Variants in UBE2D4 observed in about 807,000 individuals in gnomAD.
UBE2D4 encodes the protein ubiquitin conjugating enzyme E2 D4.
A neutral mutation model predicts 23.0 loss-of-function variants in UBE2D4; 17 were observed. The ratio of observed to expected loss-of-function variants is 0.74; its 90% CI spans 0.51 to 1.11. The LOEUF (loss-of-function observed/expected upper bound fraction) is 1.11, where lower values mean the gene tolerates loss of function less well. Ranked by LOEUF, UBE2D4 falls within the 50% of genes least tolerant of loss-of-function variation. UBE2D4 has a pLI of 0.00. For missense variants in UBE2D4, 139 were observed against 181.8 expected (o/e 0.76, Z 1.35); for synonymous variants, 61 against 69.4 (o/e 0.88, Z 0.60).
At chr7:43,932,992 A>ATG (rs1409484148) in intron 1 of UBE2D4, among the ~76,000 whole-genome samples, 1 of 103,440 alleles carries the variant, frequency 9.7e-6, no homozygotes, top group African/African-American at 4.3e-5. Context: ...AAGTATATAT[A>ATG]TATATATATA....
Position 43,930,012 on chromosome 7 carries a change from C to T in UBE2D4, c.24+3456C>T, listed in dbSNP as rs543592801. 2.0e-5 allele frequency among the ~76,000 whole-genome samples: 3 copies of T among 152,272 alleles called. No individual in the cohort carries two copies. In the South Asian group the frequency reaches 6.2e-4, roughly 32 times the overall value. The stretch of plus-strand genomic sequence containing the variant: ...CTCAGTCCCCCTCTCCTGGTCTGTT[C>T]CTGTGTCACTCTGGGCTGAATGGCT... On this transcript the variant is annotated intron_variant, in intron 1 of 6. Transcript: ENST00000222402.
Position 43,944,785 on chromosome 7 carries a change from AC to A in UBE2D4, c.198+1758del, listed in dbSNP as rs1434901378. On this transcript the variant is annotated intron_variant, in intron 4 of 6. Coordinates refer to ENST00000222402, the MANE Select transcript of UBE2D4 (RefSeq NM_015983.4). The surrounding 1 kb of genome is among the most constrained non-coding windows in gnomAD (Gnocchi z 4.0). The stretch of plus-strand genomic sequence containing the variant: ...AGCATGCTTCATGGTGCTGTGATCC[AC>A]CCCTTCTCCCTTCCCCTCTGGAGAG... 3 of 152,000 alleles carry A rather than the reference AC, an allele frequency of 2.0e-5. No homozygotes were observed. The highest frequency in any genetic ancestry group is 7.3e-5 in the African/African-American group (3 of 41,354). 9.4% of individuals were successfully genotyped at this position (152,000 alleles called of 1,614,324 possible). A position where few individuals can be genotyped will look rare whatever the true frequency, so the allele number is the denominator to read the frequency against.
chr7:43,930,759 AG>A (rs1270150796), intron 1 of UBE2D4, among the ~76,000 whole-genome samples: 1 of 152,110 alleles, frequency 6.6e-6, no homozygotes, highest in East Asian at 1.9e-4. Flanking sequence ...CAACCAGGAC[AG>A]GGTTATATGT....
intron 6 of UBE2D4, among the ~76,000 whole-genome samples, chr7:43,951,538 CT>C (rs111623277): frequency 5.4e-5 from 8 of 149,260 alleles, no homozygotes; most frequent in African/African-American, 9.8e-5. Flanking sequence ...ATGTTTTTCC[CT>C]TTTTTTTTTG....
Position 43,938,509 on chromosome 7 carries a change from G to A in UBE2D4, c.88+15G>A, listed in dbSNP as rs1432603154. 1.2e-6 allele frequency: 2 copies of A among 1,613,502 alleles called. No homozygotes were observed. Among genetic ancestry groups the A allele is most frequent in the Non-Finnish European group, 1.7e-6 (2 of 1,179,620 alleles). On this transcript the variant is annotated intron_variant, in intron 2 of 6. Transcript: ENST00000222402. ...CGGTGATGACTGTAAGTATTTTGGG[G>A]GGCTTCAAGTTGTAGGAGCATTTTA...
rs762312888 is a variant in UBE2D4 at position 43,926,524 on chromosome 7, C to G, written c.-9C>G. On this transcript the variant is annotated 5_prime_UTR_variant, in exon 1 of 7. Coordinates refer to ENST00000222402, the MANE Select transcript of UBE2D4 (RefSeq NM_015983.4). ...GCCGGGCCGCCCGGGTCCCCGGCAG[C>G]GGGGTAGGATGGCGCTAAAGCGGAT... 1 of 1,532,252 alleles carries G rather than the reference C, an allele frequency of 6.5e-7. No individual in the cohort carries two copies. Among genetic ancestry groups the G allele is most frequent in the African/African-American group, 1.4e-5 (1 of 70,298 alleles). The allele number at this position is 1,532,252 out of a possible 1,614,324, so 94.9% of individuals were successfully genotyped here. A position where few individuals can be genotyped will look rare whatever the true frequency, so the allele number is the denominator to read the frequency against.
At chr7:43,949,204 T>C (rs2095995855) in intron 5 of UBE2D4, 1 of 187,430 alleles carries the variant, frequency 5.3e-6, no homozygotes, top group South Asian at 1.7e-4. Context: ...CACATGTCTT[T>C]GGTTGAAGTT....
At chr7:43,938,356 C>T in intron 1 of UBE2D4, 75 bp from the exon 2 acceptor site, 1 of 1,460,108 alleles carries the variant, frequency 6.8e-7, no homozygotes, top group African/African-American at 1.4e-5. Flanking sequence ...AGAATTCCTT[C>T]CAGCTACCAA....
intron 1 of UBE2D4, among the ~76,000 whole-genome samples, chr7:43,936,303 T>G (rs1212770565): frequency 6.6e-6 from 1 of 152,048 alleles, no homozygotes; most frequent in African/African-American, 2.4e-5. Context: ...AAGGATGGAG[T>G]CTTGGAGTTG....
intron 1 of UBE2D4, among the ~76,000 whole-genome samples, chr7:43,926,791 G>A (rs1395426970): frequency 6.6e-6 from 1 of 152,254 alleles, no homozygotes; most frequent in Non-Finnish European, 1.5e-5. Flanking sequence ...CGTCATGCGG[G>A]CGGGGCGCCG....
intron 1 of UBE2D4, among the ~76,000 whole-genome samples, chr7:43,934,726 A>G (rs1465978380): frequency 1.3e-5 from 2 of 151,988 alleles, no homozygotes; most frequent in Admixed American, 1.3e-4. Flanking sequence ...ATATGTACAT[A>G]TAACTAAAAA....
intron 5 of UBE2D4, 31 bp downstream of exon 5, chr7:43,948,768 T>C (rs2095994447): frequency 6.6e-7 from 1 of 1,510,370 alleles, no homozygotes; most frequent in Non-Finnish European, 9.2e-7. Flanking sequence ...CTCTGTGTGC[T>C]CTTTTACACA....
chr7:43,952,424 A>G, intron 6 of UBE2D4: 1 of 494,056 alleles, frequency 2.0e-6, no homozygotes, highest in South Asian at 2.6e-5. Flanking sequence ...TGGAGAATCA[A>G]CAGTTTGGGG....
intron 2 of UBE2D4, among the ~76,000 whole-genome samples, 159 bp downstream of exon 2, chr7:43,938,653 T>A (rs998591159): frequency 3.9e-5 from 6 of 152,198 alleles, no homozygotes; most frequent in Admixed American, 3.9e-4. Context: ...CTGGCTAACA[T>A]GGCGAAACCC....
chr7:43,942,763 T>G (rs1194798585), intron 2 of UBE2D4, 63 bp from the exon 3 acceptor site: 37 of 1,609,722 alleles, frequency 2.3e-5, no homozygotes, highest in Non-Finnish European at 3.1e-5. Context: ...GCAGTGCGTT[T>G]TCAGTAGAAT....
chr7:43,940,888 A>T (rs2095970513), intron 2 of UBE2D4: 4 of 100,264 alleles, frequency 4.0e-5, no homozygotes, highest in Non-Finnish European at 8.1e-5. Context: ...AACAGTCAAA[A>T]GCAAAAAAAA....
chr7:43,941,248 A>G (rs1051915304), intron 2 of UBE2D4: 5 of 151,766 alleles, frequency 3.3e-5, no homozygotes, highest in African/African-American at 4.8e-5. Context: ...CCAGCAACCC[A>G]CTCCTGTGGG....
chr7:43,934,673 T>C (rs2095954598), intron 1 of UBE2D4, among the ~76,000 whole-genome samples: 1 of 151,616 alleles, frequency 6.6e-6, no homozygotes, highest in African/African-American at 2.4e-5. Context: ...AAAAAGTACA[T>C]TTTATTTAAT....
Position 43,926,575 on chromosome 7 carries a change from T to C in UBE2D4, c.24+19T>C. On this transcript the variant is annotated intron_variant, in intron 1 of 6. Transcript: ENST00000222402. ...CCAGAAGGTACGCACTTTCCCACCC[T>C]CCAACTCTTTGGGTGTCCGAAGCGT... The C allele has an allele frequency of 6.4e-7, 1 of 1,565,626 alleles. No individual in the cohort carries two copies. Among genetic ancestry groups the C allele is most frequent in the Non-Finnish European group, 8.6e-7 (1 of 1,159,072 alleles).
Sources: gnomAD v4.1 joint callset for allele counts (sites outside exome capture counted in the v4.1 genomes callset) on GRCh38, gnomAD v4.1.1 for gene constraint, Gnocchi (gnomAD v3.1) non-coding constraint, MANE v1.5 for transcripts, NCBI Gene and HGNC (gene_info 2026-07-23, HGNC 2026-07-21) for gene names.